Variants in ZNF280C observed in about 807,000 individuals in gnomAD.
ZNF280C encodes suppressor of hairy wing homolog 3.
In ZNF280C, 14 loss-of-function variants were observed where a neutral mutation model predicts 53.6. The ratio of observed to expected loss-of-function variants is 0.26; its 90% CI spans 0.17 to 0.41. ZNF280C has a LOEUF of 0.41. ZNF280C is among the 10% of genes least tolerant of loss of function. The pLI is 1.00. For missense variants in ZNF280C, 416 were observed against 547.1 expected (o/e 0.76, Z 2.39); for synonymous variants, 203 against 181.1 (o/e 1.12, Z -0.97).
chrX:130,221,861 T>C (rs1341414778), intron 12 of ZNF280C, among the ~76,000 whole-genome samples: 1 of 111,367 alleles, frequency 9.0e-6, no homozygotes, highest in Non-Finnish European at 1.9e-5. Flanking sequence ...GTTACAGATC[T>C]TTCACATGGT....
intron 2 of ZNF280C, among the ~76,000 whole-genome samples, chrX:130,255,289 C>T (rs1347390657): frequency 1.9e-5 from 2 of 102,922 alleles, no homozygotes; most frequent in Non-Finnish European, 4.0e-5. Flanking sequence ...TACAGGCGCC[C>T]GCCACTACGC....
At chrX:130,239,003 T>C (rs976206107) in intron 6 of ZNF280C, among the ~76,000 whole-genome samples, 2 of 111,497 alleles carry the variant, frequency 1.8e-5, no homozygotes, top group African/African-American at 6.5e-5. Context: ...TTTGTTATGG[T>C]GGACATCAAA....
At chrX:130,226,647 TAACCA>T (rs1234088023) in intron 12 of ZNF280C, 107 bp downstream of exon 12, 3 of 792,956 alleles carry the variant, frequency 3.8e-6, no homozygotes, top group Non-Finnish European at 5.1e-6. Context: ...AGAACAAATC[TAACCA>T]ATGTTCTACG....
chrX:130,241,130 T>C (rs1263544586), intron 5 of ZNF280C, among the ~76,000 whole-genome samples: 4 of 111,903 alleles, frequency 3.6e-5, no homozygotes, highest in Admixed American at 2.9e-4. Context: ...CCTTAAGCTA[T>C]ATCTTTAAAA....
At chrX:130,241,603 AT>A (rs1341927262) in intron 5 of ZNF280C, among the ~76,000 whole-genome samples, 1 of 111,500 alleles carries the variant, frequency 9.0e-6, no homozygotes, top group Non-Finnish European at 1.9e-5. Flanking sequence ...TCTAAAAAAA[AT>A]TAAAAGCCAA....
intron 2 of ZNF280C, among the ~76,000 whole-genome samples, chrX:130,256,912 G>GA (rs750490847): frequency 2.0e-5 from 2 of 101,028 alleles, no homozygotes; most frequent in South Asian, 9.3e-4. Flanking sequence ...TAAAATAAAA[G>GA]AAAGAGGGCC....
In ZNF280C at chrX:130,203,614, G is replaced by A. The variant is rs991295868; in HGVS notation, c.*1363C>T. On this transcript the variant is annotated 3_prime_UTR_variant, in exon 19 of 19. Coordinates refer to ENST00000370978, the MANE Select transcript of ZNF280C (RefSeq NM_017666.5). ...GGAGGCGGAGCTTGCAGTGAGCCAA[G>A]ATCGCGCCACTGCACTCCAGCCTGG... 9.0e-6 allele frequency: 1 copy of A among 111,673 alleles called. No individual in the cohort carries two copies. Among genetic ancestry groups the A allele is most frequent in the African/African-American group, 3.3e-5 (1 of 30,682 alleles). The allele number at this position is 111,673 out of a possible 1,213,427, so 9.2% of individuals were successfully genotyped here.
At chrX:130,244,238 G>A (rs2032424611) in intron 3 of ZNF280C, among the ~76,000 whole-genome samples, 1 of 111,912 alleles carries the variant, frequency 8.9e-6, no homozygotes, top group East Asian at 2.8e-4. Flanking sequence ...TCTGATTAAT[G>A]TAAGGGGTTT....
intron 12 of ZNF280C, among the ~76,000 whole-genome samples, chrX:130,222,321 CA>C (rs1374334687): frequency 1.8e-5 from 2 of 108,666 alleles, no homozygotes; most frequent in African/African-American, 6.7e-5. Context: ...CACACACACA[CA>C]CACACACACC....
chrX:130,258,397 G>A (rs1387258469), intron 2 of ZNF280C, among the ~76,000 whole-genome samples: 1 of 111,452 alleles, frequency 9.0e-6, no homozygotes, highest in Admixed American at 9.5e-5. Context: ...ATGATTTGAG[G>A]ACAGTACACA....
intron 15 of ZNF280C, among the ~76,000 whole-genome samples, chrX:130,212,080 G>A (rs186085880): frequency 9.0e-6 from 1 of 111,565 alleles, no homozygotes; most frequent in African/African-American, 3.3e-5. Flanking sequence ...ACTGCAAAAG[G>A]TGGACTCTCC....
intron 1 of ZNF280C, among the ~76,000 whole-genome samples, chrX:130,265,019 A>G (rs1175095850): frequency 8.9e-6 from 1 of 112,327 alleles, no homozygotes; most frequent in Non-Finnish European, 1.9e-5. Flanking sequence ...CAATTCAGAA[A>G]GAAAATAGAG....
Position 130,204,951 on chromosome X carries a change from T to G in ZNF280C, c.*26A>C. ...AACTTCCAACTTGTCTTGCACCAGG[T>G]TGCATGAACTCCATGGAGCAGGAAT... On this transcript the variant is annotated 3_prime_UTR_variant, in exon 19 of 19. Transcript: ENST00000370978. The G allele has an allele frequency of 1.9e-6, 2 of 1,077,387 alleles. No homozygotes were observed. Among genetic ancestry groups the G allele is most frequent in the African/African-American group, 1.9e-5 (1 of 51,648 alleles). The allele number at this position is 1,077,387 out of a possible 1,213,427, so 88.8% of individuals were successfully genotyped here.
chrX:130,209,453 CA>C (rs2032018112), intron 16 of ZNF280C, among the ~76,000 whole-genome samples, 199 bp downstream of exon 16: 1 of 111,828 alleles, frequency 8.9e-6, no homozygotes, highest in African/African-American at 3.2e-5. Flanking sequence ...TGTTATTTTA[CA>C]AACGCAAATA....
intron 15 of ZNF280C, among the ~76,000 whole-genome samples, chrX:130,212,462 G>A (rs1321625796): frequency 9.0e-6 from 1 of 111,256 alleles, no homozygotes; most frequent in Non-Finnish European, 1.9e-5. Flanking sequence ...TTAACAGACA[G>A]AAGTTGAGAA....
At chrX:130,250,705 A>G (rs1282264781) in intron 2 of ZNF280C, among the ~76,000 whole-genome samples, 1 of 112,424 alleles carries the variant, frequency 8.9e-6, no homozygotes, top group East Asian at 2.8e-4. Flanking sequence ...AGATGTACAA[A>G]GAAGAGCTGG....
intron 10 of ZNF280C, 44 bp downstream of exon 10, chrX:130,228,933 T>C: frequency 9.3e-7 from 1 of 1,080,517 alleles, no homozygotes; most frequent in Non-Finnish European, 1.2e-6. Context: ...GTTCGGATGA[T>C]CAAAGTCAAC....
intron 1 of ZNF280C, among the ~76,000 whole-genome samples, chrX:130,262,468 G>T (rs940240772): frequency 8.9e-6 from 1 of 112,224 alleles, no homozygotes; most frequent in African/African-American, 3.2e-5. Flanking sequence ...GGGAAGGATT[G>T]CAGCCTTCTA....
chrX:130,259,046 A>G (rs1471769061), intron 2 of ZNF280C, among the ~76,000 whole-genome samples: 1 of 111,936 alleles, frequency 8.9e-6, no homozygotes, highest in African/African-American at 3.2e-5. Context: ...TAGTTCAATT[A>G]TAACTTCCTC....
Sources: gnomAD v4.1 joint callset for allele counts (sites outside exome capture counted in the v4.1 genomes callset) on GRCh38, gnomAD v4.1.1 for gene constraint, MANE v1.5 for transcripts, NCBI Gene and HGNC (gene_info 2026-07-23, HGNC 2026-07-21) for gene names.